Variants in FARS2 observed in about 807,000 individuals in gnomAD.
FARS2 encodes the protein phenylalanine--tRNA ligase, mitochondrial.
FARS2 carries 40 observed loss-of-function variants against 46.4 expected under a neutral mutation model. The ratio of observed to expected loss-of-function variants is 0.86; its 90% CI spans 0.67 to 1.12. The LOEUF (loss-of-function observed/expected upper bound fraction) is 1.12. Ranked by LOEUF, FARS2 falls within the 50% of genes most tolerant of loss-of-function variation. The pLI is 0.00. For missense variants in FARS2, 513 were observed against 567.9 expected (o/e 0.90, Z 0.98); for synonymous variants, 234 against 214.9 (o/e 1.09, Z -0.78).
intron 4 of FARS2, among the ~76,000 whole-genome samples, chr6:5,509,412 C>G (rs1768294457): frequency 6.6e-6 from 1 of 152,200 alleles, no homozygotes; most frequent in South Asian, 2.1e-4. Context: ...CACCACGTAG[C>G]TGATGAAAAT....
At chr6:5,272,902 A>G (rs1766066120) in intron 1 of FARS2, among the ~76,000 whole-genome samples, 1 of 152,194 alleles carries the variant, frequency 6.6e-6, no homozygotes, top group African/African-American at 2.4e-5. Context: ...GAGTAAGAAC[A>G]TATGGTATTT....
At chr6:5,503,718 T>C (rs141255996) in intron 4 of FARS2, among the ~76,000 whole-genome samples, 2,444 of 152,230 alleles carry the variant, frequency 0.016, 24 homozygotes, top group Non-Finnish European at 0.024. Context: ...TGTACAGATA[T>C]TTATATCTTT....
intron 6 of FARS2, among the ~76,000 whole-genome samples, chr6:5,690,129 G>A (rs1215377717): frequency 1.3e-5 from 2 of 152,166 alleles, no homozygotes; most frequent in East Asian, 1.9e-4. Flanking sequence ...ACAGCACACT[G>A]ATGGGTCTTG....
chr6:5,724,624 G>C (rs904159282), intron 6 of FARS2, among the ~76,000 whole-genome samples: 2 of 152,188 alleles, frequency 1.3e-5, no homozygotes, highest in Non-Finnish European at 2.9e-5. Flanking sequence ...GGTGCTCTAC[G>C]GGGGCCAGCC....
At chr6:5,556,676 TAAGAAAGA>T (rs60141468) in intron 5 of FARS2, among the ~76,000 whole-genome samples, 94 of 150,758 alleles carry the variant, frequency 6.2e-4, no homozygotes, top group African/African-American at 1.5e-3. Context: ...ATTAAGTTAC[TAAGAAAGA>T]AAGAAAGAAA....
chr6:5,259,396 A>C (rs1377329010), upstream of FARS2, among the ~76,000 whole-genome samples: 1 of 152,262 alleles, frequency 6.6e-6, no homozygotes, highest in Non-Finnish European at 1.5e-5. Flanking sequence ...AGTCAAAGTC[A>C]TTAAGTAAAA....
chr6:5,756,166 G>A (rs550341002), intron 6 of FARS2, among the ~76,000 whole-genome samples: 1 of 152,270 alleles, frequency 6.6e-6, no homozygotes, highest in South Asian at 2.1e-4. Context: ...TTACAATAAT[G>A]GATACTTTCT....
At chr6:5,562,109 T>A (rs1429964450) in intron 5 of FARS2, among the ~76,000 whole-genome samples, 6 of 152,078 alleles carry the variant, frequency 3.9e-5, no homozygotes, top group African/African-American at 1.2e-4. Flanking sequence ...CTAAAATGAG[T>A]TCATATTCTT....
intron 4 of FARS2, among the ~76,000 whole-genome samples, chr6:5,530,925 T>A (rs1426366405): frequency 2.0e-5 from 3 of 148,136 alleles, no homozygotes; most frequent in South Asian, 4.2e-4. Flanking sequence ...TATAAATATA[T>A]AATTAAATAT....
intron 4 of FARS2, among the ~76,000 whole-genome samples, chr6:5,454,458 C>T (rs1474261497): frequency 6.6e-6 from 1 of 151,832 alleles, no homozygotes; most frequent in Non-Finnish European, 1.5e-5. Flanking sequence ...TCTCCTGCCT[C>T]AGCCTCCCCC....
intron 1 of FARS2, among the ~76,000 whole-genome samples, chr6:5,294,056 A>G (rs1438211840): frequency 6.6e-6 from 1 of 152,176 alleles, no homozygotes; most frequent in Non-Finnish European, 1.5e-5. Context: ...TTATTATACA[A>G]CCTAGCATCT....
intron 6 of FARS2, chr6:5,695,286 G>A (rs1288589815): frequency 7.2e-5 from 11 of 152,258 alleles, no homozygotes; most frequent in Non-Finnish European, 1.3e-4. Context: ...TGCTTCCTAG[G>A]AAGTTACACA....
chr6:5,505,464 G>A (rs1209549047), intron 4 of FARS2, among the ~76,000 whole-genome samples: 2 of 152,208 alleles, frequency 1.3e-5, no homozygotes, highest in Non-Finnish European at 2.9e-5. Context: ...AAAGAGTACT[G>A]TCCACATGGT....
At chr6:5,766,148 A>G (rs1044887529) in intron 6 of FARS2, among the ~76,000 whole-genome samples, 2 of 152,242 alleles carry the variant, frequency 1.3e-5, no homozygotes, top group African/African-American at 2.4e-5. Flanking sequence ...TGTGAAGTAC[A>G]TAAAAGAGAA....
intron 6 of FARS2, among the ~76,000 whole-genome samples, chr6:5,707,435 G>A (rs537519201): frequency 6.6e-6 from 1 of 152,278 alleles, no homozygotes; most frequent in South Asian, 2.1e-4. Context: ...AGGCGTAGAC[G>A]GTTGCAACTG....
chr6:5,712,487 A>G (rs1292089055), intron 6 of FARS2, among the ~76,000 whole-genome samples: 1 of 152,122 alleles, frequency 6.6e-6, no homozygotes, highest in Non-Finnish European at 1.5e-5. Flanking sequence ...CCCACCTTTT[A>G]GAACCACCGT....
chr6:5,591,173 CTTTT>C (rs1773898378), intron 5 of FARS2, among the ~76,000 whole-genome samples: 1 of 152,154 alleles, frequency 6.6e-6, no homozygotes, highest in Admixed American at 6.5e-5. Context: ...ACCATTTCAT[CTTTT>C]TTGACAAAGT....
chr6:5,415,784 T>G (rs910173328), intron 3 of FARS2, among the ~76,000 whole-genome samples: 2 of 152,154 alleles, frequency 1.3e-5, no homozygotes, highest in Non-Finnish European at 2.9e-5. Flanking sequence ...CTCAGCTCAC[T>G]GCATCCTTGA....
At chr6:5,296,420 C>T (rs1008705767) in intron 1 of FARS2, among the ~76,000 whole-genome samples, 18 of 152,258 alleles carry the variant, frequency 1.2e-4, no homozygotes, top group African/African-American at 4.3e-4. Flanking sequence ...GGATTACAGG[C>T]GTGCGCCACT....
Sources: allele counts gnomAD v4.1 joint callset (sites outside exome capture counted in the v4.1 genomes callset), GRCh38; gene constraint gnomAD v4.1.1; transcripts MANE v1.5; gene names NCBI Gene and HGNC (gene_info 2026-07-23, HGNC 2026-07-21).